The following FGF1 variants were observed in gnomAD, a reference collection of about 807,000 sequenced individuals.
The protein encoded by FGF1 is fibroblast growth factor 1.
A neutral mutation model predicts 13.4 loss-of-function variants in FGF1; 9 were observed. That is an observed-to-expected ratio of 0.67 (90% CI 0.40 to 1.17). The LOEUF (loss-of-function observed/expected upper bound fraction) is 1.17, where lower values mean the gene tolerates loss of function less well. Ranked by LOEUF, FGF1 falls within the 50% of genes most tolerant of loss-of-function variation. The pLI, the probability that FGF1 is intolerant of heterozygous loss-of-function variation, is 0.01. For missense variants in FGF1, 156 were observed against 192.7 expected (o/e 0.81, Z 1.13); for synonymous variants, 93 against 79.0 (o/e 1.18, Z -0.94).
intron 1 of FGF1, among the ~76,000 whole-genome samples, chr5:142,667,701 C>G (rs935748708): frequency 6.6e-6 from 1 of 152,156 alleles, no homozygotes; most frequent in Admixed American, 6.5e-5. Flanking sequence ...TGTCCTCCCA[C>G]TACCAAATGT....
chr5:142,688,763 A>T (rs968884996), upstream of FGF1, among the ~76,000 whole-genome samples: 1 of 152,218 alleles, frequency 6.6e-6, no homozygotes, highest in Non-Finnish European at 1.5e-5. Flanking sequence ...AGTCATCCAC[A>T]TCTAAAATGT....
At chr5:142,648,842 C>A (rs961168074) in intron 1 of FGF1, among the ~76,000 whole-genome samples, 5 of 151,768 alleles carry the variant, frequency 3.3e-5, no homozygotes, top group African/African-American at 2.4e-5. Context: ...AGAATTTAAT[C>A]GATAGGACCA....
intron 1 of FGF1, among the ~76,000 whole-genome samples, chr5:142,625,310 GCGGACACA>G (rs1264312515): frequency 1.2e-4 from 10 of 82,940 alleles, no homozygotes; most frequent in Admixed American, 8.3e-4. Flanking sequence ...AGAACTACAA[GCGGACACA>G]CACACACACA....
chr5:142,622,980 C>T (rs941717631), intron 1 of FGF1, among the ~76,000 whole-genome samples: 5 of 152,236 alleles, frequency 3.3e-5, no homozygotes, highest in Admixed American at 6.5e-5. Context: ...CTCCCAGAAG[C>T]TCATGAAAGC....
At chr5:142,615,326 C>A (rs1760004489) in intron 1 of FGF1, among the ~76,000 whole-genome samples, 4 of 152,098 alleles carry the variant, frequency 2.6e-5, no homozygotes. Context: ...CCAGTTCAAG[C>A]AATTCTCCTG....
intron 2 of FGF1, among the ~76,000 whole-genome samples, chr5:142,606,608 C>T (rs1047737750): frequency 1.1e-4 from 17 of 152,048 alleles, no homozygotes; most frequent in South Asian, 8.3e-4. Context: ...GGCGGCAGAG[C>T]GAGATTCCAT....
chr5:142,671,707 G>A (rs1014578971), intron 1 of FGF1: 2 of 152,200 alleles, frequency 1.3e-5, no homozygotes, highest in African/African-American at 2.4e-5. Context: ...GGGAGTTTTC[G>A]AAACCACTGG....
At position 142,592,307 on chromosome 5, in the gene FGF1, A is replaced by G. The variant is rs1202067234; in HGVS notation, c.*2983T>C. The G allele has an allele frequency of 5.0e-6, 2 of 398,466 alleles. No individual in the cohort carries two copies. Among genetic ancestry groups the G allele is most frequent in the African/African-American group, 4.1e-5 (2 of 48,642 alleles). 24.7% of individuals were successfully genotyped at this position (398,466 alleles called of 1,614,324 possible). A position where few individuals can be genotyped will look rare whatever the true frequency, so the allele number is the denominator to read the frequency against. ...GCAGCCTGTGAGTTTAGTTGTCAGCAGTACACTCAAGGCTGAGGACTTGGC... is the reference window on the plus strand; with the variant it reads ...GCAGCCTGTGAGTTTAGTTGTCAGCGGTACACTCAAGGCTGAGGACTTGGC... On this transcript the variant is annotated 3_prime_UTR_variant, in exon 4 of 4. Transcript: ENST00000337706.
chr5:142,672,487 C>G (rs927526611), intron 1 of FGF1, among the ~76,000 whole-genome samples: 8 of 145,954 alleles, frequency 5.5e-5, no homozygotes, highest in Non-Finnish European at 1.1e-4. Context: ...TCCTTCAGGT[C>G]TTTTTCTGTA....
At chr5:142,656,498 T>C (rs1768194439) in intron 1 of FGF1, among the ~76,000 whole-genome samples, 1 of 152,226 alleles carries the variant, frequency 6.6e-6, no homozygotes, top group African/African-American at 2.4e-5. Flanking sequence ...GAAAACAGCA[T>C]ACTTATGTGT....
intron 3 of FGF1, among the ~76,000 whole-genome samples, chr5:142,596,286 A>G (rs996613981): frequency 1.3e-5 from 2 of 151,596 alleles, no homozygotes; most frequent in Non-Finnish European, 2.9e-5. Flanking sequence ...TCTGGGCAAC[A>G]TAGCAAGACC....
chr5:142,664,538 T>C (rs542949813), intron 1 of FGF1, among the ~76,000 whole-genome samples: 12 of 152,346 alleles, frequency 7.9e-5, no homozygotes, highest in Admixed American at 7.2e-4. Context: ...TATTTGAACG[T>C]CTCTAAAATC....
intron 2 of FGF1, among the ~76,000 whole-genome samples, chr5:142,603,859 T>C (rs1256550246): frequency 6.6e-6 from 1 of 152,144 alleles, no homozygotes; most frequent in Non-Finnish European, 1.5e-5. Flanking sequence ...TCAGTCTCCA[T>C]AAAGTTATTT....
upstream of FGF1, among the ~76,000 whole-genome samples, chr5:142,690,366 T>G (rs1397460953): frequency 6.6e-6 from 1 of 151,984 alleles, no homozygotes; most frequent in Non-Finnish European, 1.5e-5. Context: ...AAAAAAAAAT[T>G]TTACCTTTAC....
In FGF1 at chr5:142,595,392, C is replaced by T; in HGVS notation, c.366G>A (p.Trp122Ter). The change falls in exon 4 of 4, where the codon TGG becomes TGA. Residue 122 changes from tryptophan (W) to a stop codon, truncating the protein, a stop_gained. Transcript: ENST00000337706. LOFTEE classifies it high-confidence loss of function. ...YISKKHAEKNWFVGLKKNGSC... is the reference protein window; with the variant it reads ...YISKKHAEKN ...TCCCATTCTTCTTGAGGCCAACAAA[C>T]CAATTCTTCTCTGCATGCTTCTTGG... is the stretch of plus-strand genomic sequence containing the variant. The T allele has an allele frequency of 6.2e-7, 1 of 1,614,046 alleles. No homozygotes were observed. The highest frequency in any genetic ancestry group is 2.2e-5 in the East Asian group (1 of 44,878).
At chr5:142,632,967 T>C (rs1332390439) in intron 1 of FGF1, among the ~76,000 whole-genome samples, 1 of 151,408 alleles carries the variant, frequency 6.6e-6, no homozygotes, top group Non-Finnish European at 1.5e-5. Context: ...GTCGCCAGGC[T>C]GGAGTACAGT....
intron 1 of FGF1, among the ~76,000 whole-genome samples, chr5:142,623,916 CT>C (rs900331315): frequency 4.0e-5 from 6 of 151,358 alleles, no homozygotes; most frequent in Non-Finnish European, 7.4e-5. Flanking sequence ...GCCTGGTTAA[CT>C]TTTTTTTGTT....
chr5:142,600,666 TG>T (rs758719426), intron 3 of FGF1, 35 bp downstream of exon 3: 1 of 1,445,044 alleles, frequency 6.9e-7, no homozygotes. Context: ...CCTCAAACCT[TG>T]GCCACGTCTG....
chr5:142,624,396 A>T (rs951811839), intron 1 of FGF1, among the ~76,000 whole-genome samples: 2 of 152,198 alleles, frequency 1.3e-5, no homozygotes, highest in African/African-American at 4.8e-5. Flanking sequence ...AGTATTCGAA[A>T]AATACCATGT....
Sources: allele counts gnomAD v4.1 joint callset (sites outside exome capture counted in the v4.1 genomes callset), GRCh38; gene constraint gnomAD v4.1.1; transcripts MANE v1.5; gene names NCBI Gene and HGNC (gene_info 2026-07-23, HGNC 2026-07-21).